The following TMEM156 variants were observed in gnomAD, a reference collection of about 807,000 sequenced individuals.
The protein encoded by TMEM156 is transmembrane protein 156.
A neutral mutation model predicts 30.5 loss-of-function variants in TMEM156; 28 were observed. The observed-to-expected ratio is 0.92, with a 90% confidence interval of 0.68 to 1.26. The LOEUF is 1.26. TMEM156 is among the 50% of genes most tolerant of loss of function. TMEM156 has a pLI of 0.00. For synonymous variants in TMEM156, 137 were observed against 119.9 expected (o/e 1.14, Z -0.93); for missense variants, 351 against 340.6 (o/e 1.03, Z -0.24).
At chr4:38,995,336 A>G (rs1712850448) in intron 2 of TMEM156, among the ~76,000 whole-genome samples, 1 of 152,206 alleles carries the variant, frequency 6.6e-6, no homozygotes, top group African/African-American at 2.4e-5. Flanking sequence ...CATAACACAC[A>G]TGTTACCCTA....
At chr4:39,026,790 G>C (rs1715227582) in intron 1 of TMEM156, among the ~76,000 whole-genome samples, 1 of 152,004 alleles carries the variant, frequency 6.6e-6, no homozygotes, top group Non-Finnish European at 1.5e-5. Flanking sequence ...AGCTGGACAT[G>C]GTGGTGCGTG....
chr4:38,998,537 C>G, intron 2 of TMEM156, 103 bp downstream of exon 2: 4 of 1,069,448 alleles, frequency 3.7e-6, no homozygotes, highest in Non-Finnish European at 4.9e-6. Flanking sequence ...GAGCGAGACT[C>G]CATCTCAAAA....
chr4:39,007,238 C>T (rs1266304422), intron 1 of TMEM156, among the ~76,000 whole-genome samples: 2 of 152,014 alleles, frequency 1.3e-5, no homozygotes, highest in Non-Finnish European at 2.9e-5. Context: ...AAAGTCCCGT[C>T]GCCTTGTTAT....
intron 3 of TMEM156, 112 bp downstream of exon 3, chr4:38,993,626 A>G: frequency 2.4e-6 from 2 of 834,094 alleles, no homozygotes; most frequent in Non-Finnish European, 3.7e-6. Context: ...ATATTATTTC[A>G]TCAGTAAAAT....
In TMEM156 at chr4:38,998,476, G is replaced by A. The variant is rs185723684; in HGVS notation, c.358+164C>T. The A allele has an allele frequency of 1.1e-4, 48 of 448,168 alleles. No homozygotes were observed. The East Asian group carries it at 2.0e-3, about 19-fold the overall frequency. 27.8% of individuals were successfully genotyped at this position (448,168 alleles called of 1,614,324 possible). ...GGAGAATTCCTTGAACCTGGGAGGT[G>A]GAGGTTGCAGTGAGCTGAGATTGCA... On this transcript the variant is annotated intron_variant, in intron 2 of 6. Transcript: ENST00000381938.
intron 5 of TMEM156, among the ~76,000 whole-genome samples, chr4:38,972,070 T>A (rs1242767248): frequency 6.6e-6 from 1 of 151,800 alleles, no homozygotes; most frequent in Non-Finnish European, 1.5e-5. Flanking sequence ...ATTACAGGTG[T>A]GAGTGACCGC....
intron 5 of TMEM156, among the ~76,000 whole-genome samples, chr4:38,975,063 C>G (rs1187575250): frequency 6.6e-6 from 1 of 152,078 alleles, no homozygotes; most frequent in Non-Finnish European, 1.5e-5. Context: ...CCTTAGATGT[C>G]TACGGAAAAA....
At chr4:39,026,636 A>T (rs1715219752) in intron 1 of TMEM156, among the ~76,000 whole-genome samples, 1 of 152,082 alleles carries the variant, frequency 6.6e-6, no homozygotes, top group African/African-American at 2.4e-5. Flanking sequence ...TCAATAAGAA[A>T]CAAAATCTGG....
At chr4:39,001,700 A>C (rs1713376459) in intron 1 of TMEM156, among the ~76,000 whole-genome samples, 1 of 150,216 alleles carries the variant, frequency 6.7e-6, no homozygotes, top group Non-Finnish European at 1.5e-5. Context: ...GATCAATGGA[A>C]CAGAACAGAG....
intron 5 of TMEM156, among the ~76,000 whole-genome samples, chr4:38,981,593 G>A (rs1711559723): frequency 6.6e-6 from 1 of 152,166 alleles, no homozygotes; most frequent in Admixed American, 6.5e-5. Flanking sequence ...GTGCTAGAAA[G>A]TGCATCAGTT....
In TMEM156 at chr4:38,998,786, AT is replaced by A; in HGVS notation, c.211del (p.Met71Ter). On this transcript the variant is annotated frameshift_variant, in exon 2 of 7. Coordinates refer to ENST00000381938, the MANE Select transcript of TMEM156 (RefSeq NM_024943.3). LOFTEE classifies it high-confidence loss of function. ...ATTGGAGGGATTTAGAAAGATTCTCATGATAATCTGAGTTTCCCTTACTGGT... is the reference window on the plus strand; with the variant it reads ...ATTGGAGGGATTTAGAAAGATTCTCAGATAATCTGAGTTTCCCTTACTGGT... Reference protein sequence around the residue: ...LQPVRETQIIMRIFLNPSNFR... With the variant: ...LQPVRETQIIXRIFLNPSNFR... The A allele has an allele frequency of 6.2e-7, 1 of 1,613,976 alleles. No homozygotes were observed. The highest frequency in any genetic ancestry group is 1.7e-5 in the Admixed American group (1 of 60,012).
In TMEM156 at chr4:38,992,377, T is replaced by A. The variant is rs183448737; in HGVS notation, c.619+1361A>T. Among the ~76,000 whole-genome samples the A allele has an allele frequency of 2.6e-5, 4 of 152,138 alleles. No homozygotes were observed. In the East Asian group the frequency reaches 7.7e-4, roughly 29 times the overall value. On this transcript the variant is annotated intron_variant, in intron 3 of 6. Coordinates refer to ENST00000381938, the MANE Select transcript of TMEM156 (RefSeq NM_024943.3). Reference sequence around the variant, plus strand: ...CAAAAGATGCTCTCCAGGAATAGATTTTTTGGGTGAAGTAGGGCATACTGC... The same window carrying A: ...CAAAAGATGCTCTCCAGGAATAGATATTTTGGGTGAAGTAGGGCATACTGC...
intron 1 of TMEM156, among the ~76,000 whole-genome samples, chr4:39,009,952 G>C (rs1394193016): frequency 6.6e-6 from 1 of 152,048 alleles, no homozygotes; most frequent in East Asian, 1.9e-4. Flanking sequence ...GAGAAGTCAA[G>C]TTATCTCTCT....
chr4:38,979,101 A>G (rs1723049909), intron 5 of TMEM156, among the ~76,000 whole-genome samples: 1 of 152,244 alleles, frequency 6.6e-6, no homozygotes. Flanking sequence ...GGATTAATGC[A>G]CTGGCCTTGA....
chr4:38,996,208 A>C (rs1372448656), intron 2 of TMEM156, among the ~76,000 whole-genome samples: 1 of 151,856 alleles, frequency 6.6e-6, no homozygotes, highest in Non-Finnish European at 1.5e-5. Flanking sequence ...AGGAAAATGA[A>C]AGTCAAAACT....
intron 1 of TMEM156, among the ~76,000 whole-genome samples, chr4:39,005,728 T>C (rs536249612): frequency 6.6e-6 from 1 of 152,288 alleles, no homozygotes; most frequent in East Asian, 1.9e-4. Flanking sequence ...TATATGTCTG[T>C]GAAGTTGATG....
intron 1 of TMEM156, among the ~76,000 whole-genome samples, chr4:39,030,050 C>T (rs760763904): frequency 1.2e-4 from 18 of 151,748 alleles, no homozygotes; most frequent in South Asian, 4.1e-4. Context: ...TCCTTTGAAA[C>T]AAAATTCCCC....
intron 5 of TMEM156, among the ~76,000 whole-genome samples, chr4:38,984,219 G>A (rs886987686): frequency 6.6e-6 from 1 of 152,038 alleles, no homozygotes; most frequent in Non-Finnish European, 1.5e-5. Context: ...AATCTGCCAG[G>A]CACAATGTGG....
chr4:38,970,287 G>T (rs191935852), intron 6 of TMEM156, among the ~76,000 whole-genome samples: 2,492 of 152,020 alleles, frequency 0.016, 26 homozygotes, highest in East Asian at 0.062. Context: ...CTCCCTTTTA[G>T]TTTTCCCACA....
Sources: allele counts gnomAD v4.1 joint callset (sites outside exome capture counted in the v4.1 genomes callset), GRCh38; gene constraint gnomAD v4.1.1; transcripts MANE v1.5; gene names NCBI Gene and HGNC (gene_info 2026-07-23, HGNC 2026-07-21).